Variants in LCORL observed in about 807,000 individuals in gnomAD.
LCORL encodes the protein ligand-dependent nuclear receptor corepressor-like protein.
In LCORL, 41 loss-of-function variants were observed where a neutral mutation model predicts 141.8. That is an observed-to-expected ratio of 0.29 (90% confidence interval 0.23 to 0.38). The LOEUF (loss-of-function observed/expected upper bound fraction) is 0.38. Ranked by LOEUF, LCORL falls within the 10% of genes least tolerant of loss-of-function variation. The probability of loss-of-function intolerance (pLI) is 1.00; values close to 1 mark genes in which losing one functional copy is unlikely to be tolerated. For synonymous variants in LCORL, 618 were observed against 694.1 expected (o/e 0.89, Z 1.72); for missense variants, 1,759 against 2,035.0 (o/e 0.86, Z 2.61).
chr4:17,972,859 A>G, exon 2 of LCORL: 1 of 1,439,074 alleles, frequency 6.9e-7, no homozygotes, highest in Non-Finnish European at 9.1e-7. Context: ...CGTGGTCCAT[A>G]AAGCCCTTCT....
chr4:18,016,432 A>G (rs1724649161), intron 1 of LCORL, among the ~76,000 whole-genome samples: 2 of 152,150 alleles, frequency 1.3e-5, no homozygotes. Context: ...AAATAAATTA[A>G]GCTATAGGTT....
At chr4:18,008,458 TG>T (rs753626734) in intron 1 of LCORL, among the ~76,000 whole-genome samples, 73 of 152,316 alleles carry the variant, frequency 4.8e-4, no homozygotes, top group Non-Finnish European at 9.6e-4. Flanking sequence ...AAGTTTTAGA[TG>T]TAACAATCTG....
At chr4:17,867,797 A>G (rs372151427) in intron 7 of LCORL, among the ~76,000 whole-genome samples, 221 of 152,300 alleles carry the variant, frequency 1.5e-3, no homozygotes, top group African/African-American at 5.1e-3. Context: ...ATAGTTGAGA[A>G]AGCAATGGAA....
intron 7 of LCORL, 57 bp downstream of exon 7, chr4:17,873,331 A>G (rs762652678): frequency 6.4e-5 from 68 of 1,066,690 alleles, no homozygotes; most frequent in Non-Finnish European, 7.8e-5. Flanking sequence ...TCTACCTGTT[A>G]TACTTTACTC....
chr4:17,888,101 T>C (rs769507345), intron 5 of LCORL, among the ~76,000 whole-genome samples: 1 of 152,124 alleles, frequency 6.6e-6, no homozygotes, highest in Non-Finnish European at 1.5e-5. Context: ...ATAAGCTATG[T>C]GAAGGCAGAG....
At chr4:17,976,795 G>C (rs967303911) in intron 1 of LCORL, among the ~76,000 whole-genome samples, 1 of 152,122 alleles carries the variant, frequency 6.6e-6, no homozygotes, top group Non-Finnish European at 1.5e-5. Context: ...TCACCGTCTA[G>C]TGGTTTGCAT....
chr4:17,930,350 G>GA (rs1735818280), intron 4 of LCORL, among the ~76,000 whole-genome samples: 1 of 152,150 alleles, frequency 6.6e-6, no homozygotes, highest in Non-Finnish European at 1.5e-5. Flanking sequence ...ACACAAACAC[G>GA]AAGTAGAGTT....
chr4:17,932,178 A>G (rs1477151542), intron 4 of LCORL, among the ~76,000 whole-genome samples: 1 of 152,098 alleles, frequency 6.6e-6, no homozygotes, highest in East Asian at 1.9e-4. Context: ...TGTCTTGTCA[A>G]TATATACACC....
intron 7 of LCORL, among the ~76,000 whole-genome samples, chr4:17,846,970 G>A (rs1234766727): frequency 6.6e-6 from 1 of 152,158 alleles, no homozygotes; most frequent in Non-Finnish European, 1.5e-5. Context: ...TAAGCACAGT[G>A]CTAAATACAC....
At chr4:17,895,092 G>C (rs1560303243) in intron 5 of LCORL, among the ~76,000 whole-genome samples, 1 of 150,910 alleles carries the variant, frequency 6.6e-6, no homozygotes, top group Non-Finnish European at 1.5e-5. Flanking sequence ...CTATTTATGG[G>C]GTACATACAT....
At chr4:18,017,092 T>C (rs1419546427) in intron 1 of LCORL, among the ~76,000 whole-genome samples, 3 of 152,142 alleles carry the variant, frequency 2.0e-5, no homozygotes. Flanking sequence ...TGGAACCAGC[T>C]TGATGAGACA....
chr4:17,999,459 A>G (rs938009040), intron 1 of LCORL, among the ~76,000 whole-genome samples: 50 of 152,054 alleles, frequency 3.3e-4, no homozygotes, highest in African/African-American at 1.2e-3. Flanking sequence ...CTCACAAAAA[A>G]AAAAAAAAGA....
intron 1 of LCORL, among the ~76,000 whole-genome samples, chr4:17,984,196 C>T (rs1284673417): frequency 2.6e-5 from 4 of 152,060 alleles, no homozygotes; most frequent in Admixed American, 6.6e-5. Context: ...ATTTTTGCAT[C>T]TATGTTCTTC....
At chr4:17,907,209 T>C (rs1471997303) in intron 5 of LCORL, among the ~76,000 whole-genome samples, 14 of 152,196 alleles carry the variant, frequency 9.2e-5, no homozygotes. Flanking sequence ...ATACAAGTAT[T>C]TATAGATCAC....
At chr4:17,999,567 A>C (rs923125362) in intron 1 of LCORL, among the ~76,000 whole-genome samples, 2 of 152,226 alleles carry the variant, frequency 1.3e-5, no homozygotes, top group African/African-American at 4.8e-5. Flanking sequence ...GTTGACCAAA[A>C]TGTCTTTACG....
intron 4 of LCORL, among the ~76,000 whole-genome samples, chr4:17,944,059 C>A (rs1738430162): frequency 6.6e-6 from 1 of 152,242 alleles, no homozygotes; most frequent in East Asian, 1.9e-4. Context: ...CTTATTCATG[C>A]CACTGTCCAT....
intron 4 of LCORL, among the ~76,000 whole-genome samples, chr4:17,926,855 T>A (rs1479782273): frequency 6.6e-6 from 1 of 152,210 alleles, no homozygotes; most frequent in Non-Finnish European, 1.5e-5. Context: ...AGTGTAATCC[T>A]TACAGGCCCT....
At chr4:17,895,054 A>T (rs1337943129) in intron 5 of LCORL, among the ~76,000 whole-genome samples, 1 of 150,336 alleles carries the variant, frequency 6.7e-6, no homozygotes, top group Non-Finnish European at 1.5e-5. Flanking sequence ...AAAAAGTTTT[A>T]TTGGTTTGAA....
chr4:17,881,027 T>TA (rs1028090321), intron 6 of LCORL: 3 of 981,750 alleles, frequency 3.1e-6, no homozygotes, highest in Admixed American at 6.2e-5. Context: ...TGTAAACAAC[T>TA]AAAAAAATCA....
Sources: allele counts gnomAD v4.1 joint callset (sites outside exome capture counted in the v4.1 genomes callset), GRCh38; gene constraint gnomAD v4.1.1; transcripts MANE v1.5; gene names NCBI Gene and HGNC (gene_info 2026-07-23, HGNC 2026-07-21).